Variants in PLOD2 observed in about 807,000 individuals in gnomAD.
PLOD2 encodes procollagen-lysine,2-oxoglutarate 5-dioxygenase 2.
A neutral mutation model predicts 101.0 loss-of-function variants in PLOD2; 65 were observed. That is an observed-to-expected ratio of 0.64 (90% CI 0.53 to 0.79). The LOEUF is 0.79. Ranked by LOEUF, PLOD2 falls within the 30% of genes least tolerant of loss-of-function variation. The pLI, the probability that PLOD2 is intolerant of heterozygous loss-of-function variation, is 0.00. For missense variants in PLOD2, 909 were observed against 914.6 expected (o/e 0.99, Z 0.08); for synonymous variants, 314 against 302.9 (o/e 1.04, Z -0.38).
Position 146,124,207 on chromosome 3 carries a change from T to G in PLOD2, c.132A>C (p.Val44=). 6.3e-7 allele frequency: 1 copy of G among 1,587,814 alleles called. No homozygotes were observed. The highest frequency in any genetic ancestry group is 2.2e-5 in the East Asian group (1 of 44,650). The part of the protein sequence containing the change: ...IPTDKLLVIT[V]ATKESDGFHR... ...GGAATCCATCACTTTCTTTTGTTGC[T>G]ACAGTTATGACTAATAATTTATCTG... Residue 44 remains valine (V), a synonymous_variant, in exon 2 of 20, where the codon GTA becomes GTC. Coordinates refer to ENST00000282903, the MANE Select transcript of PLOD2 (RefSeq NM_182943.3).
intron 7 of PLOD2, among the ~76,000 whole-genome samples, chr3:146,101,028 T>G (rs182263573): frequency 1.3e-5 from 2 of 151,896 alleles, no homozygotes; most frequent in African/African-American, 2.4e-5. Flanking sequence ...AGAGGGCTTT[T>G]GGAGTGGGAA....
intron 1 of PLOD2, among the ~76,000 whole-genome samples, chr3:146,125,054 A>T (rs2108099739): frequency 6.6e-6 from 1 of 151,104 alleles, no homozygotes; most frequent in South Asian, 2.1e-4. Context: ...AAAAGAAACA[A>T]GTGCATCAAC....
At chr3:146,133,018 A>G (rs2031008435) in intron 1 of PLOD2, among the ~76,000 whole-genome samples, 1 of 152,132 alleles carries the variant, frequency 6.6e-6, no homozygotes, top group African/African-American at 2.4e-5. Context: ...TACTAAAAAT[A>G]CAAAAAAATT....
Position 146,091,842 on chromosome 3 carries a change from G to A in PLOD2, c.837C>T (p.Cys279=). The A allele has an allele frequency of 6.2e-7, 1 of 1,607,588 alleles. No individual in the cohort carries two copies. Among genetic ancestry groups the A allele is most frequent in the Non-Finnish European group, 8.5e-7 (1 of 1,174,388 alleles). The change falls in exon 8 of 20, where the codon TGC becomes TGT. Residue 279 remains cysteine (C), a synonymous_variant. Transcript: ENST00000282903. ...CGACTGTATCGAATTCACAAAGAGT[G>A]CAGCCATTATCCTGTGTCCATGAAT... ...VPNSWTQDNG[C]TLCEFDTVDL...
intron 1 of PLOD2, among the ~76,000 whole-genome samples, chr3:146,132,496 C>T (rs1374182545): frequency 6.6e-6 from 1 of 152,034 alleles, no homozygotes; most frequent in Non-Finnish European, 1.5e-5. Flanking sequence ...TGCACCGAGA[C>T]CATCCCCATC....
Position 146,077,120 on chromosome 3 carries a change from T to C in PLOD2, c.1564-225A>G, listed in dbSNP as rs557922072. 3.7e-5 allele frequency: 43 copies of C among 1,174,820 alleles called. No individual in the cohort carries two copies. The African/African-American group carries it at 5.8e-4, about 16-fold the overall frequency. The allele number at this position is 1,174,820 out of a possible 1,614,324, so 72.8% of individuals were successfully genotyped here. A position where few individuals can be genotyped will look rare whatever the true frequency, so the allele number is the denominator to read the frequency against. On this transcript the variant is annotated intron_variant, in intron 14 of 19. Transcript: ENST00000282903. ...CTAGTAGATAGCACTGACACTCAAC[T>C]GAAAAAAAGAAGAATGGACTGTTTT...
At chr3:146,141,843 A>G (rs2031539698) in intron 1 of PLOD2, among the ~76,000 whole-genome samples, 1 of 152,116 alleles carries the variant, frequency 6.6e-6, no homozygotes, top group Non-Finnish European at 1.5e-5. Context: ...ACTAAGAATA[A>G]GTTCAACAAC....
At chr3:146,107,367 C>T (rs1156463163) in intron 4 of PLOD2, among the ~76,000 whole-genome samples, 64 of 152,134 alleles carry the variant, frequency 4.2e-4, no homozygotes. Flanking sequence ...TTTTTCTTGT[C>T]TGAATCTTCC....
chr3:146,072,439 C>T lies in PLOD2; in HGVS notation c.1848+122G>A. The T allele has an allele frequency of 5.5e-6, 4 of 728,636 alleles. No homozygotes were observed. The South Asian group carries it at 6.2e-5, about 11-fold the overall frequency. The allele number at this position is 728,636 out of a possible 1,614,324, so 45.1% of individuals were successfully genotyped here. ...GACTGAAATCAGAGCCTTGGCTAGC[C>T]AATTTATCTAAGTCTAGAACTCAGA... On this transcript the variant is annotated intron_variant, in intron 17 of 19. Coordinates refer to ENST00000282903, the MANE Select transcript of PLOD2 (RefSeq NM_182943.3).
chr3:146,091,094 C>G (rs1241881990), intron 8 of PLOD2, among the ~76,000 whole-genome samples: 1 of 151,632 alleles, frequency 6.6e-6, no homozygotes, highest in Non-Finnish European at 1.5e-5. Context: ...CTTTGTTCAC[C>G]CTCAAAACAT....
chr3:146,138,821 C>T (rs180713883), intron 1 of PLOD2, among the ~76,000 whole-genome samples: 78 of 152,240 alleles, frequency 5.1e-4, no homozygotes, highest in African/African-American at 1.8e-3. Flanking sequence ...ATAACAATGT[C>T]TACCATATAG....
At position 146,102,921 on chromosome 3, in the gene PLOD2, C is replaced by G. The variant is rs543228796; in HGVS notation, c.680-69G>C. 25 of 821,826 alleles carry G rather than the reference C, an allele frequency of 3.0e-5. No homozygotes were observed. The East Asian group carries it at 6.1e-4, about 20-fold the overall frequency. 50.9% of individuals were successfully genotyped at this position (821,826 alleles called of 1,614,324 possible). A position where few individuals can be genotyped will look rare whatever the true frequency, so the allele number is the denominator to read the frequency against. On this transcript the variant is annotated intron_variant, in intron 6 of 19. Coordinates refer to ENST00000282903, the MANE Select transcript of PLOD2 (RefSeq NM_182943.3). ...TGTGTGTGTGTCTGTATTCGTGTGT[C>G]TGTGTGTGTATGTGTGTGTATCATC... is the stretch of plus-strand genomic sequence containing the variant.
At chr3:146,129,907 G>A (rs1001527188) in intron 1 of PLOD2, among the ~76,000 whole-genome samples, 2 of 152,010 alleles carry the variant, frequency 1.3e-5, no homozygotes, top group South Asian at 4.2e-4. Context: ...TTCTGCAATC[G>A]TCTCTTAGGC....
At chr3:146,125,687 T>C (rs1305024092) in intron 1 of PLOD2, among the ~76,000 whole-genome samples, 1 of 152,004 alleles carries the variant, frequency 6.6e-6, no homozygotes, top group Admixed American at 6.6e-5. Context: ...GCGGAGATGG[T>C]AGTGAGCCAA....
chr3:146,087,079 T>C (rs1559840434), intron 9 of PLOD2, among the ~76,000 whole-genome samples, 171 bp from the exon 10 acceptor site: 1 of 151,984 alleles, frequency 6.6e-6, no homozygotes, highest in Non-Finnish European at 1.5e-5. Flanking sequence ...ATCACTTAAA[T>C]GTCACATGAA....
At chr3:146,121,736 T>C (rs2030169414) in intron 2 of PLOD2, among the ~76,000 whole-genome samples, 1 of 152,208 alleles carries the variant, frequency 6.6e-6, no homozygotes, top group Admixed American at 6.5e-5. Flanking sequence ...TCACCTTCTT[T>C]ACCTTATACA....
chr3:146,099,880 CTTTTTTTTTTT>C (rs5853264), intron 7 of PLOD2, among the ~76,000 whole-genome samples: 6 of 129,280 alleles, frequency 4.6e-5, no homozygotes, highest in African/African-American at 1.7e-4. Context: ...CAGTGACCAA[CTTTTTTTTTTT>C]TTTTTTTTGA....
chr3:146,105,862 C>T (rs1255694946), intron 5 of PLOD2, among the ~76,000 whole-genome samples: 1 of 152,106 alleles, frequency 6.6e-6, no homozygotes, highest in Non-Finnish European at 1.5e-5. Context: ...AGGCTAAAGA[C>T]TACAAATGAG....
chr3:146,130,305 G>A (rs1323395445), intron 1 of PLOD2, among the ~76,000 whole-genome samples: 1 of 152,150 alleles, frequency 6.6e-6, no homozygotes, highest in African/African-American at 2.4e-5. Flanking sequence ...ACCTACTAGA[G>A]TAGGCCAGTA....
Sources: allele counts gnomAD v4.1 joint callset (sites outside exome capture counted in the v4.1 genomes callset), GRCh38; gene constraint gnomAD v4.1.1; transcripts MANE v1.5; gene names NCBI Gene and HGNC (gene_info 2026-07-23, HGNC 2026-07-21).